Variants in LRIF1 observed in about 807,000 individuals in gnomAD.
LRIF1 encodes ligand-dependent nuclear receptor-interacting factor 1.
In LRIF1, 32 loss-of-function variants were observed where a neutral mutation model predicts 52.7. The ratio of observed to expected loss-of-function variants is 0.61; its 90% CI spans 0.46 to 0.82. The LOEUF (loss-of-function observed/expected upper bound fraction) is 0.82, where lower values mean the gene tolerates loss of function less well. Ranked by LOEUF, LRIF1 falls within the 40% of genes least tolerant of loss-of-function variation. The pLI is 0.00. For synonymous variants in LRIF1, 323 were observed against 317.4 expected, an observed-to-expected ratio of 1.02 and a Z score of -0.19; for missense variants, 887 against 892.0, an observed-to-expected ratio of 0.99 and a Z score of 0.07.
the LRIF1 span, chr1:110,899,540 A>C: frequency 3.7e-5 from 8 of 216,734 alleles, no homozygotes; most frequent in African/African-American, 1.2e-4. Flanking sequence ...CCCATTGTCG[A>C]ATTAGTCTCC....
chr1:110,960,281 T>G (rs977700241), intron 1 of LRIF1, among the ~76,000 whole-genome samples: 2 of 152,270 alleles, frequency 1.3e-5, no homozygotes, highest in Admixed American at 1.3e-4. Flanking sequence ...ACTAAGAGAT[T>G]AATGACAGAT....
At chr1:110,878,846 A>G in the LRIF1 span, among the ~76,000 whole-genome samples, 1 of 152,198 alleles carries the variant, frequency 6.6e-6, no homozygotes, top group African/African-American at 2.4e-5. Flanking sequence ...CGTATTCTCA[A>G]TCTTAGCATA....
the LRIF1 span, among the ~76,000 whole-genome samples, chr1:110,907,410 T>A: frequency 1.3e-5 from 2 of 152,152 alleles, no homozygotes; most frequent in Non-Finnish European, 2.9e-5. Flanking sequence ...GATAAGGACT[T>A]AATTTTGGTG....
chr1:110,899,497 A>G, the LRIF1 span: 2 of 272,846 alleles, frequency 7.3e-6, no homozygotes, highest in Non-Finnish European at 1.4e-5. Context: ...CCAACATCAA[A>G]GGGTGAACCC....
chr1:110,960,958 G>C (rs2101124231), intron 1 of LRIF1, among the ~76,000 whole-genome samples: 1 of 152,272 alleles, frequency 6.6e-6, no homozygotes, highest in Non-Finnish European at 1.5e-5. Context: ...TCCAATAGAT[G>C]AAGTCTAATC....
rs1045525081 is a variant in LRIF1 at position 110,948,107 on chromosome 1, T to C, written c.2162A>G (p.Asn721Ser). 9 of 1,614,148 alleles carry C rather than the reference T, an allele frequency of 5.6e-6. No homozygotes were observed. The Admixed American group carries it at 6.7e-5, about 12-fold the overall frequency. The change falls in exon 4 of 4, where the codon AAT becomes AGT. Residue 721 changes from asparagine (N) to serine (S), a missense_variant. By Grantham distance (46) the Asn-to-Ser change is conservative (BLOSUM62 1). Transcript: ENST00000369763. Reference protein sequence around the residue: ...NAAYEQSHFFNKNYTEDIFPV... With the variant: ...NAAYEQSHFFSKNYTEDIFPV... ...GAAAATATCTTCGGTATAATTTTTA[T>C]TGAAGAAATGACTTTGTTCATAAGC...
At chr1:110,927,981 T>C in the LRIF1 span, among the ~76,000 whole-genome samples, 1 of 152,204 alleles carries the variant, frequency 6.6e-6, no homozygotes, top group Non-Finnish European at 1.5e-5. Context: ...AGTGCATGTG[T>C]AGAAAATCCT....
chr1:110,886,865 ATATATT>A, the LRIF1 span, among the ~76,000 whole-genome samples: 2 of 44,362 alleles, frequency 4.5e-5, no homozygotes, highest in African/African-American at 7.3e-5. Context: ...ATATATATAT[ATATATT>A]TTTTTTTTCT....
At chr1:110,915,501 A>G in the LRIF1 span, among the ~76,000 whole-genome samples, 2 of 152,026 alleles carry the variant, frequency 1.3e-5, no homozygotes, top group Admixed American at 6.5e-5. Flanking sequence ...AAATAAATAA[A>G]TAAATAAATA....
the LRIF1 span, among the ~76,000 whole-genome samples, chr1:110,887,058 GTTTATTTTAT>G: frequency 2.0e-5 from 3 of 146,674 alleles, no homozygotes; most frequent in Non-Finnish European, 4.5e-5. Context: ...CTCTATTTAT[GTTTATTTTAT>G]TTTATTTTAT....
the LRIF1 span, among the ~76,000 whole-genome samples, chr1:110,933,794 T>C: frequency 6.6e-6 from 1 of 152,140 alleles, no homozygotes; most frequent in Non-Finnish European, 1.5e-5. Context: ...TGAGTCCATG[T>C]GCTGAACTGG....
chr1:110,884,233 T>A, the LRIF1 span, among the ~76,000 whole-genome samples: 2 of 152,134 alleles, frequency 1.3e-5, no homozygotes, highest in Non-Finnish European at 2.9e-5. Flanking sequence ...AATTCAGAAT[T>A]CTAATTTTCT....
In LRIF1 at chr1:110,952,293, T is replaced by C; in HGVS notation, c.591A>G (p.Pro197=). The change falls in exon 2 of 4, where the codon CCA becomes CCG. Residue 197 remains proline (P), a synonymous_variant. Transcript: ENST00000369763. ...IPAHAEVKSV[P]ASSLPPSVQQ... Reference sequence around the variant, plus strand: ...GCACTGAAGGAGGCAATGATGACGCTGGTACAGATTTCACTTCAGCATGGG... The same window carrying C: ...GCACTGAAGGAGGCAATGATGACGCCGGTACAGATTTCACTTCAGCATGGG... 6.2e-7 allele frequency: 1 copy of C among 1,614,186 alleles called. No individual in the cohort carries two copies. Among genetic ancestry groups the C allele is most frequent in the Non-Finnish European group, 8.5e-7 (1 of 1,180,014 alleles).
At chr1:110,948,875 A>G (rs1327670412) in intron 3 of LRIF1, among the ~76,000 whole-genome samples, 4 of 152,202 alleles carry the variant, frequency 2.6e-5, no homozygotes, top group Admixed American at 6.5e-5. Flanking sequence ...ATTATTAGCT[A>G]TATAAGTTGC....
the LRIF1 span, among the ~76,000 whole-genome samples, chr1:110,906,778 C>CA: frequency 3.3e-4 from 50 of 150,298 alleles, no homozygotes; most frequent in African/African-American, 6.8e-4. Context: ...AATGCAGTCT[C>CA]AAAAAAAAAT....
At chr1:110,918,535 T>C in the LRIF1 span, among the ~76,000 whole-genome samples, 1 of 152,300 alleles carries the variant, frequency 6.6e-6, no homozygotes, top group African/African-American at 2.4e-5. Flanking sequence ...TTTCTGATAA[T>C]TGTGATGAGG....
At chr1:110,879,605 C>G in the LRIF1 span, among the ~76,000 whole-genome samples, 1 of 152,046 alleles carries the variant, frequency 6.6e-6, no homozygotes, top group African/African-American at 2.4e-5. Flanking sequence ...GGAGCACTTA[C>G]TAATATCTCA....
At chr1:110,941,106 T>A in the LRIF1 span, 1 of 152,040 alleles carries the variant, frequency 6.6e-6, no homozygotes, top group Non-Finnish European at 1.5e-5. Flanking sequence ...TATATACACC[T>A]ACTATGTACT....
chr1:110,889,274 T>C, the LRIF1 span, among the ~76,000 whole-genome samples: 601 of 152,040 alleles, frequency 4.0e-3, 9 homozygotes, highest in African/African-American at 0.014. Context: ...ACTCAATAAT[T>C]GGCCGGGTGT....
Sources: allele counts gnomAD v4.1 joint callset (sites outside exome capture counted in the v4.1 genomes callset), GRCh38; gene constraint gnomAD v4.1.1; transcripts MANE v1.5; gene names NCBI Gene and HGNC (gene_info 2026-07-23, HGNC 2026-07-21).